RHD: variants seen among roughly 807,000 people sequenced by gnomAD.
RHD encodes Rh blood group D antigen.
RHD carries 16 observed loss-of-function variants against 45.5 expected under a neutral mutation model. That is an observed-to-expected ratio of 0.35 (90% CI 0.24 to 0.53). RHD has a LOEUF of 0.53. Ranked by LOEUF, RHD falls within the 20% of genes least tolerant of loss-of-function variation. RHD has a pLI of 0.92. For synonymous variants in RHD, 131 were observed against 217.5 expected (o/e 0.60, Z 3.50); for missense variants, 306 against 532.0 (o/e 0.58, Z 4.18).
intron 8 of RHD, among the ~76,000 whole-genome samples, chr1:25,321,661 C>T (rs182753104): frequency 0.068 from 2,110 of 31,202 alleles, 329 homozygotes; most frequent in African/African-American, 0.11. Flanking sequence ...TAGAGTGAGA[C>T]TCTGTCTCAA....
In RHD at chr1:25,310,621, T is replaced by C. The variant is rs537099042; in HGVS notation, c.1073+3892T>C. Reference sequence around the variant, plus strand: ...TGGAAGTGGCTTTGGAACTGGGTGATGGGAATAGGTTGGAAGAGTTTTGAG... The same window carrying C: ...TGGAAGTGGCTTTGGAACTGGGTGACGGGAATAGGTTGGAAGAGTTTTGAG... On this transcript the variant is annotated intron_variant, in intron 7 of 9. Coordinates refer to ENST00000328664, the MANE Select transcript of RHD (RefSeq NM_016124.6). 7.9e-4 allele frequency among the ~76,000 whole-genome samples: 103 copies of C among 131,080 alleles called. 24 individuals carry two copies. The highest frequency in any genetic ancestry group is 1.5e-3 in the Non-Finnish European group (84 of 55,136). 86.0% of individuals were successfully genotyped at this position (131,080 alleles called of 152,430 possible). A position where few individuals can be genotyped will look rare whatever the true frequency, so the allele number is the denominator to read the frequency against.
In RHD at chr1:25,307,695, G is replaced by A. The variant is rs1328249813; in HGVS notation, c.1073+966G>A. 8.4e-6 allele frequency: 11 copies of A among 1,307,526 alleles called. 4 individuals carry two copies. The Admixed American group carries it at 1.5e-4, about 18-fold the overall frequency. The allele number at this position is 1,307,526 out of a possible 1,614,324, so 81.0% of individuals were successfully genotyped here. ...TAAAAATGGCTGAAGCAGGTGATGAGGAGCTGATGCGTTTGGACGTGTCTC... is the reference window on the plus strand; with the variant it reads ...TAAAAATGGCTGAAGCAGGTGATGAAGAGCTGATGCGTTTGGACGTGTCTC... On this transcript the variant is annotated intron_variant, in intron 7 of 9. Coordinates refer to ENST00000328664, the MANE Select transcript of RHD (RefSeq NM_016124.6).
intron 1 of RHD, among the ~76,000 whole-genome samples, chr1:25,276,191 G>C (rs112066422): frequency 7.7e-6 from 1 of 130,514 alleles, no homozygotes; most frequent in Non-Finnish European, 1.8e-5. Context: ...ATGGTGGGTT[G>C]TTTTTGTTTT....
chr1:25,319,331 TA>T lies in RHD; in HGVS notation c.1153+2257del, dbSNP rs1348436767. ...TTTTTGACATGAGCAAACTGGTGAT[TA>T]AAAACAACTTGGGTGGCTCATACTT... On this transcript the variant is annotated intron_variant, in intron 8 of 9. Coordinates refer to ENST00000328664, the MANE Select transcript of RHD (RefSeq NM_016124.6). Among the ~76,000 whole-genome samples, 2 of 132,464 alleles carry T rather than the reference TA, an allele frequency of 1.5e-5. 1 individual carries two copies. Among genetic ancestry groups the T allele is most frequent in the Non-Finnish European group, 3.6e-5 (2 of 55,814 alleles). 86.9% of individuals were successfully genotyped at this position (132,464 alleles called of 152,430 possible). A position where few individuals can be genotyped will look rare whatever the true frequency, so the allele number is the denominator to read the frequency against.
At position 25,298,305 on chromosome 1, in the gene RHD, A is replaced by C. The variant is rs1237234920; in HGVS notation, c.487-2641A>C. Among the ~76,000 whole-genome samples, 6 of 122,424 alleles carry C rather than the reference A, an allele frequency of 4.9e-5. No individual in the cohort carries two copies. In the East Asian group the frequency reaches 1.0e-3, roughly 21 times the overall value. The allele number at this position is 122,424 out of a possible 152,430, so 80.3% of individuals were successfully genotyped here. A position where few individuals can be genotyped will look rare whatever the true frequency, so the allele number is the denominator to read the frequency against. On this transcript the variant is annotated intron_variant, in intron 3 of 9. Coordinates refer to ENST00000328664, the MANE Select transcript of RHD (RefSeq NM_016124.6). ...CTCTTCCTGCTTTGTTGCAGTCTTC[A>C]TAACGATTGCTTTAAAAGACTGCAT...
chr1:25,288,844 A>G (rs1458239829), intron 2 of RHD, among the ~76,000 whole-genome samples: 3 of 129,936 alleles, frequency 2.3e-5, no homozygotes, highest in Admixed American at 2.3e-4. Context: ...GCCTTTGTCA[A>G]TGAAATGAAC....
At chr1:25,305,374 ATATT>A (rs34347122) in intron 6 of RHD, among the ~76,000 whole-genome samples, 58,532 of 106,604 alleles carry the variant, frequency 0.55, 22,434 homozygotes, top group South Asian at 0.82. Context: ...AGGAGTCTGG[ATATT>A]TATTTATTTA....
chr1:25,307,800 G>A lies in RHD; in HGVS notation c.1073+1071G>A, dbSNP rs1643931395. ...AGACAACCATAGCCCCAAATTATAG[G>A]GATCACATATCAGTGGGTGAGACAT... On this transcript the variant is annotated intron_variant, in intron 7 of 9. Transcript: ENST00000328664. 4.6e-6 allele frequency: 6 copies of A among 1,300,334 alleles called. 2 individuals carry two copies. In the East Asian group the frequency reaches 9.8e-5, roughly 21 times the overall value. 80.5% of individuals were successfully genotyped at this position (1,300,334 alleles called of 1,614,324 possible).
chr1:25,315,557 C>T lies in RHD; in HGVS notation c.1074-1443C>T, dbSNP rs565641305. ...TGTTGCCCAGGCTGGAGTGCAGTGG[C>T]GTGATCTCAGCTCACTGCAAACTCC... On this transcript the variant is annotated intron_variant, in intron 7 of 9. Transcript: ENST00000328664. Among the ~76,000 whole-genome samples the T allele has an allele frequency of 3.1e-4, 37 of 119,130 alleles. 2 individuals are homozygous for T. The highest frequency in any genetic ancestry group is 9.3e-4 in the African/African-American group (32 of 34,244). 78.2% of individuals were successfully genotyped at this position (119,130 alleles called of 152,430 possible). A position where few individuals can be genotyped will look rare whatever the true frequency, so the allele number is the denominator to read the frequency against.
rs1459132391 is a variant in RHD, at chr1:25,282,819, C to T, written c.149-1754C>T. On this transcript the variant is annotated intron_variant, in intron 1 of 9. Coordinates refer to ENST00000328664, the MANE Select transcript of RHD (RefSeq NM_016124.6). ...CTGAAGCACAAGAATCACTTGAACC[C>T]GGGAGGTGGAGGTTGCAGCGAGCCG... is the stretch of plus-strand genomic sequence containing the variant. Among the ~76,000 whole-genome samples, 2 of 129,286 alleles carry T rather than the reference C, an allele frequency of 1.5e-5. 1 individual carries two copies. The highest frequency in any genetic ancestry group is 5.3e-5 in the African/African-American group (2 of 37,956). 84.8% of individuals were successfully genotyped at this position (129,286 alleles called of 152,430 possible).
intron 2 of RHD, among the ~76,000 whole-genome samples, chr1:25,286,310 G>A (rs1417588489): frequency 1.5e-5 from 2 of 135,390 alleles, no homozygotes; most frequent in African/African-American, 5.1e-5. Flanking sequence ...CTAACACAGT[G>A]AGATCCTGTC....
chr1:25,273,147 TC>T (rs1557508049), intron 1 of RHD, among the ~76,000 whole-genome samples: 1 of 130,228 alleles, frequency 7.7e-6, no homozygotes, highest in African/African-American at 2.6e-5. Flanking sequence ...ATTTCTTATT[TC>T]TTTTTGAGGC....
At chr1:25,282,068 T>G (rs116833983) in intron 1 of RHD, among the ~76,000 whole-genome samples, 2 of 131,656 alleles carry the variant, frequency 1.5e-5, no homozygotes, top group Non-Finnish European at 3.6e-5. Flanking sequence ...TCACTATTTA[T>G]TGAGCGTTCT....
intron 7 of RHD, among the ~76,000 whole-genome samples, chr1:25,315,295 C>A (rs1325717198): frequency 7.8e-6 from 1 of 128,750 alleles, no homozygotes; most frequent in African/African-American, 2.7e-5. Context: ...GTTTTGATAA[C>A]CTGAACTGTG....
At position 25,302,492 on chromosome 1, in the gene RHD, G is replaced by A. The variant is rs571987745; in HGVS notation, c.801+806G>A. Among the ~76,000 whole-genome samples, 11 of 129,880 alleles carry A rather than the reference G, an allele frequency of 8.5e-5. 1 individual carries two copies. In the South Asian group the frequency reaches 2.6e-3, roughly 31 times the overall value. The allele number at this position is 129,880 out of a possible 152,430, so 85.2% of individuals were successfully genotyped here. A position where few individuals can be genotyped will look rare whatever the true frequency, so the allele number is the denominator to read the frequency against. On this transcript the variant is annotated intron_variant, in intron 5 of 9. Coordinates refer to ENST00000328664, the MANE Select transcript of RHD (RefSeq NM_016124.6). The stretch of plus-strand genomic sequence containing the variant: ...AGTGGCCATGAGTTCCATGGTGACA[G>A]AAAGTCTAAGACACCCAGCAAGGCA...
At chr1:25,284,807 C>T (rs754578790) in intron 2 of RHD, 48 bp downstream of exon 2, 1 of 1,345,932 alleles carries the variant, frequency 7.4e-7, no homozygotes, top group Admixed American at 1.8e-5. Context: ...AGGGAATGGA[C>T]CCCGAAAGGA....
rs554906449 is a variant in RHD at position 25,311,694 on chromosome 1, G to C, written c.1073+4965G>C. Among the ~76,000 whole-genome samples the C allele has an allele frequency of 6.2e-4, 81 of 129,626 alleles. 2 individuals carry two copies. In the East Asian group the frequency reaches 0.014, roughly 23 times the overall value. The allele number at this position is 129,626 out of a possible 152,430, so 85.0% of individuals were successfully genotyped here. On this transcript the variant is annotated intron_variant, in intron 7 of 9. Coordinates refer to ENST00000328664, the MANE Select transcript of RHD (RefSeq NM_016124.6). The stretch of plus-strand genomic sequence containing the variant: ...AGGGCAGAATGGTTTGGAATGACCA[G>C]CTGCTGCCCAGGGCTGCCTTGGGTC...
In RHD at chr1:25,309,020, CTA is replaced by C. The variant is rs1643999617; in HGVS notation, c.1073+2293_1073+2294del. 1.5e-5 allele frequency among the ~76,000 whole-genome samples: 2 copies of C among 132,110 alleles called. 1 individual carries two copies. The highest frequency in any genetic ancestry group is 3.6e-5 in the Non-Finnish European group (2 of 56,014). 86.7% of individuals were successfully genotyped at this position (132,110 alleles called of 152,430 possible). A position where few individuals can be genotyped will look rare whatever the true frequency, so the allele number is the denominator to read the frequency against. On this transcript the variant is annotated intron_variant, in intron 7 of 9. Coordinates refer to ENST00000328664, the MANE Select transcript of RHD (RefSeq NM_016124.6). ...ATGCTGCATCCGTATGAGGACATCTCTATGTAATGGAAAGATGGAGAGAGGAT... is the reference window on the plus strand; with the variant it reads ...ATGCTGCATCCGTATGAGGACATCTCTGTAATGGAAAGATGGAGAGAGGAT...
rs1225727991 is a variant in RHD, at chr1:25,306,689, G to GTGC, written c.1039_1041dup (p.Leu347dup). 5.8e-6 allele frequency: 8 copies of GTGC among 1,378,494 alleles called. 2 individuals carry two copies. The highest frequency in any genetic ancestry group is 8.2e-6 in the Non-Finnish European group (8 of 979,100). The allele number at this position is 1,378,494 out of a possible 1,614,324, so 85.4% of individuals were successfully genotyped here. A position where few individuals can be genotyped will look rare whatever the true frequency, so the allele number is the denominator to read the frequency against. On this transcript the variant is annotated inframe_insertion, in exon 7 of 10. Coordinates refer to ENST00000328664, the MANE Select transcript of RHD (RefSeq NM_016124.6). ...TCTGCTTGGAGAGATCATCTACATTGTGCTGCTGGTGCTTGATACCGTCGG... is the reference window on the plus strand; with the variant it reads ...TCTGCTTGGAGAGATCATCTACATTGTGCTGCTGCTGGTGCTTGATACCGTCGG...
Sources: allele counts gnomAD v4.1 joint callset (sites outside exome capture counted in the v4.1 genomes callset), GRCh38; gene constraint gnomAD v4.1.1; transcripts MANE v1.5; gene names NCBI Gene and HGNC (gene_info 2026-07-23, HGNC 2026-07-21).